Variants in SPRYD7 observed in about 807,000 individuals in gnomAD.
The protein encoded by SPRYD7 is SPRY domain containing 7.
SPRYD7 carries 14 observed loss-of-function variants against 23.8 expected under a neutral mutation model. The ratio of observed to expected loss-of-function variants is 0.59; its 90% CI spans 0.39 to 0.92. SPRYD7 has a LOEUF of 0.92. SPRYD7 is among the 40% of genes least tolerant of loss of function. The probability of loss-of-function intolerance (pLI) is 0.00; values close to 1 mark genes in which losing one functional copy is unlikely to be tolerated. For missense variants in SPRYD7, 194 were observed against 241.7 expected (o/e 0.80, Z 1.31); for synonymous variants, 75 against 84.9 (o/e 0.88, Z 0.64).
rs1452160417 is a variant in SPRYD7, at chr13:49,924,985, A to AAAAT, written c.390+2930_390+2933dup. Among the ~76,000 whole-genome samples the AAAAT allele has an allele frequency of 1.8e-3, 238 of 134,968 alleles. 2 individuals carry two copies. The highest frequency in any genetic ancestry group is 6.3e-3 in the African/African-American group (232 of 36,658). 88.5% of individuals were successfully genotyped at this position (134,968 alleles called of 152,430 possible). The stretch of plus-strand genomic sequence containing the variant: ...GAGCAAAACTCCATCTCAAAAAAAA[A>AAAAT]AAATAAATAAATAATAATAATAATA... On this transcript the variant is annotated intron_variant, in intron 3 of 4. Transcript: ENST00000361840.
chr13:49,932,189 C>A (rs1330109008), intron 1 of SPRYD7, among the ~76,000 whole-genome samples: 1 of 152,112 alleles, frequency 6.6e-6, no homozygotes, highest in Non-Finnish European at 1.5e-5. Context: ...TAAATACAAG[C>A]TACTATACTT....
At chr13:49,929,914 C>T (rs1318904734) in intron 2 of SPRYD7, among the ~76,000 whole-genome samples, 8 of 152,086 alleles carry the variant, frequency 5.3e-5, no homozygotes, top group Non-Finnish European at 8.8e-5. Flanking sequence ...CTTAGCCTCC[C>T]GAGTAACTGG....
intron 1 of SPRYD7, 69 bp downstream of exon 1, chr13:49,936,061 T>C (rs1871609979): frequency 1.2e-6 from 1 of 860,356 alleles, no homozygotes; most frequent in Non-Finnish European, 1.6e-6. Flanking sequence ...CCTCTGACCC[T>C]GAAGGTCCCC....
chr13:49,916,032 T>C (rs1786906693), intron 4 of SPRYD7, among the ~76,000 whole-genome samples: 1 of 152,134 alleles, frequency 6.6e-6, no homozygotes, highest in Admixed American at 6.5e-5. Flanking sequence ...GGTTGTTTGG[T>C]TGGGGCTGGG....
chr13:49,920,755 G>A (rs568947003), intron 4 of SPRYD7, among the ~76,000 whole-genome samples: 1 of 152,248 alleles, frequency 6.6e-6, no homozygotes, highest in East Asian at 1.9e-4. Flanking sequence ...GAGGTCAGGA[G>A]TTTAAGACCA....
chr13:49,934,681 A>G (rs189809540), intron 1 of SPRYD7, among the ~76,000 whole-genome samples: 35 of 152,336 alleles, frequency 2.3e-4, no homozygotes, highest in African/African-American at 6.5e-4. Flanking sequence ...CTTTGGAGAA[A>G]TAAAACACAG....
In SPRYD7 at chr13:49,912,809, G is replaced by A. The variant is rs1955706011; in HGVS notation, c.*2254C>T. The A allele has an allele frequency of 6.6e-6, 1 of 152,076 alleles. No individual in the cohort carries two copies. The highest frequency in any genetic ancestry group is 1.5e-5 in the Non-Finnish European group (1 of 68,024). 9.4% of individuals were successfully genotyped at this position (152,076 alleles called of 1,614,324 possible). A position where few individuals can be genotyped will look rare whatever the true frequency, so the allele number is the denominator to read the frequency against. Reference sequence around the variant, plus strand: ...AGACAAAATGCATAATACATACATAGTTAAATTTCATATACCTTCAGAGGT... The same window carrying A: ...AGACAAAATGCATAATACATACATAATTAAATTTCATATACCTTCAGAGGT... On this transcript the variant is annotated 3_prime_UTR_variant, in exon 5 of 5. Transcript: ENST00000361840.
Position 49,913,493 on chromosome 13 carries a change from C to G in SPRYD7, c.*1570G>C, listed in dbSNP as rs1955715606. 1 of 151,106 alleles carries G rather than the reference C, an allele frequency of 6.6e-6. No homozygotes were observed. Among genetic ancestry groups the G allele is most frequent in the Admixed American group, 6.6e-5 (1 of 15,174 alleles). 9.4% of individuals were successfully genotyped at this position (151,106 alleles called of 1,614,324 possible). The stretch of plus-strand genomic sequence containing the variant: ...ATACTTTACCATCCAGGAAACTACA[C>G]TTACTAAGTGCCTATGATTTTTATT... On this transcript the variant is annotated 3_prime_UTR_variant, in exon 5 of 5. Coordinates refer to ENST00000361840, the MANE Select transcript of SPRYD7 (RefSeq NM_020456.4).
intron 4 of SPRYD7, among the ~76,000 whole-genome samples, chr13:49,921,131 A>T (rs755181120): frequency 2.0e-5 from 3 of 152,110 alleles, no homozygotes; most frequent in Non-Finnish European, 4.4e-5. Flanking sequence ...GGAGGGACCC[A>T]GTGGGAGGTA....
chr13:49,934,573 A>G (rs563635216), intron 1 of SPRYD7, among the ~76,000 whole-genome samples: 143 of 143,020 alleles, frequency 1.0e-3, no homozygotes, highest in African/African-American at 3.0e-3. Flanking sequence ...AAAAAAAAAA[A>G]AAAAGAAAAG....
At chr13:49,932,820 A>G (rs1871442924) in intron 1 of SPRYD7, among the ~76,000 whole-genome samples, 1 of 152,252 alleles carries the variant, frequency 6.6e-6, no homozygotes, top group Admixed American at 6.5e-5. Flanking sequence ...TCCCTTAAAC[A>G]AGGCAAAACT....
chr13:49,918,411 T>TC (rs1197594650), intron 4 of SPRYD7, among the ~76,000 whole-genome samples: 2 of 150,088 alleles, frequency 1.3e-5, no homozygotes, highest in Non-Finnish European at 3.0e-5. Context: ...TTCTTTTTTT[T>TC]TTTTTTCTTT....
At chr13:49,919,125 A>C (rs971903082) in intron 4 of SPRYD7, among the ~76,000 whole-genome samples, 1 of 152,088 alleles carries the variant, frequency 6.6e-6, no homozygotes, top group Non-Finnish European at 1.5e-5. Context: ...AAAGTTGATA[A>C]TACAAAATAG....
intron 3 of SPRYD7, among the ~76,000 whole-genome samples, chr13:49,925,667 C>G (rs1021280183): frequency 6.6e-6 from 1 of 151,846 alleles, no homozygotes. Flanking sequence ...AAAAAATTAG[C>G]CAGTCGTGGT....
At chr13:49,930,330 C>A (rs1263358784) in intron 2 of SPRYD7, among the ~76,000 whole-genome samples, 2 of 151,900 alleles carry the variant, frequency 1.3e-5, no homozygotes, top group African/African-American at 4.8e-5. Flanking sequence ...GCCTGTAATC[C>A]CAACACTTTG....
intron 3 of SPRYD7, among the ~76,000 whole-genome samples, chr13:49,924,941 A>G (rs1393218369): frequency 6.7e-6 from 1 of 150,298 alleles, no homozygotes; most frequent in East Asian, 1.9e-4. Flanking sequence ...GCATCATTGC[A>G]CTTCAGCCTG....
chr13:49,935,960 G>A (rs1330349130), intron 1 of SPRYD7, among the ~76,000 whole-genome samples, 170 bp downstream of exon 1: 1 of 152,112 alleles, frequency 6.6e-6, no homozygotes, highest in Non-Finnish European at 1.5e-5. Context: ...ACAGAACCGG[G>A]CCCAGGTGGA....
At chr13:49,919,944 G>A (rs2138217115) in intron 4 of SPRYD7, among the ~76,000 whole-genome samples, 1 of 152,114 alleles carries the variant, frequency 6.6e-6, no homozygotes, top group South Asian at 2.1e-4. Context: ...TTGGGGGTGG[G>A]GGGGTGTAGA....
At chr13:49,915,518 G>C (rs2138208402) in intron 4 of SPRYD7, among the ~76,000 whole-genome samples, 1 of 152,228 alleles carries the variant, frequency 6.6e-6, no homozygotes, top group South Asian at 2.1e-4. Context: ...CTTTGAAAAA[G>C]TATAGATTCA....
Sources: allele counts gnomAD v4.1 joint callset (sites outside exome capture counted in the v4.1 genomes callset), GRCh38; gene constraint gnomAD v4.1.1; transcripts MANE v1.5; gene names NCBI Gene and HGNC (gene_info 2026-07-23, HGNC 2026-07-21).